RGPD2: variants seen among roughly 807,000 people sequenced by gnomAD.
RGPD2 encodes RANBP2-like and GRIP domain-containing protein 2.
In RGPD2, 2 loss-of-function variants were observed where a neutral mutation model predicts 36.0. The observed-to-expected ratio is 0.06, with a 90% CI of 0.02 to 0.17. RGPD2 has a LOEUF of 0.17. Among genes scored for constraint, RGPD2 ranks in the 10% least tolerant of loss-of-function variants. The pLI is 1.00. For missense variants in RGPD2, 40 were observed against 464.3 expected (o/e 0.09, Z 8.40); for synonymous variants, 19 against 163.8 (o/e 0.12, Z 6.75).
At chr2:87,897,548 A>G in the RGPD2 span, among the ~76,000 whole-genome samples, 1 of 151,878 alleles carries the variant, frequency 6.6e-6, no homozygotes, top group Non-Finnish European at 1.5e-5. Flanking sequence ...TTTCATGGTC[A>G]TTTGCTGCAC....
chr2:87,955,468 T>C, the RGPD2 span, among the ~76,000 whole-genome samples: 6 of 35,036 alleles, frequency 1.7e-4, no homozygotes, highest in African/African-American at 7.1e-4. Flanking sequence ...GAACTACACA[T>C]TCTTTTGTAC....
intron 1 of RGPD2, chr2:87,825,290 C>A: frequency 2.5e-6 from 1 of 394,406 alleles, no homozygotes; most frequent in East Asian, 3.6e-5. Context: ...ATACACAACA[C>A]TAAAGGGCGA....
chr2:87,839,780 G>A, the RGPD2 span, among the ~76,000 whole-genome samples: 13 of 152,018 alleles, frequency 8.6e-5, no homozygotes, highest in Middle Eastern at 0.01. Context: ...GAAGGTGGAG[G>A]GTATGAGGAG....
the RGPD2 span, among the ~76,000 whole-genome samples, chr2:87,986,430 G>A: frequency 1.3e-5 from 2 of 151,600 alleles, no homozygotes; most frequent in Admixed American, 6.6e-5. Flanking sequence ...ACTGTGCCCA[G>A]CCAAGGACAG....
intron 1 of RGPD2, chr2:87,825,023 A>G (rs1370089563): frequency 1.3e-5 from 5 of 393,242 alleles, no homozygotes; most frequent in Non-Finnish European, 2.2e-5. Flanking sequence ...TCAGCTAAAA[A>G]TATTAAATAC....
At chr2:87,870,635 C>G in the RGPD2 span, among the ~76,000 whole-genome samples, 1 of 151,484 alleles carries the variant, frequency 6.6e-6, no homozygotes, top group Admixed American at 6.6e-5. Flanking sequence ...ATAATCAAAC[C>G]TCTTCCTTCT....
the RGPD2 span, among the ~76,000 whole-genome samples, chr2:87,960,237 C>G: frequency 6.6e-6 from 1 of 150,474 alleles, no homozygotes; most frequent in Non-Finnish European, 1.5e-5. Context: ...GTCCATTTTT[C>G]TACAGATCTT....
At chr2:87,977,597 G>A in the RGPD2 span, among the ~76,000 whole-genome samples, 4 of 149,004 alleles carry the variant, frequency 2.7e-5, no homozygotes, top group African/African-American at 1.0e-4. Flanking sequence ...GAGGATGGCT[G>A]GAGCCCAGGA....
At chr2:87,842,669 C>G in the RGPD2 span, among the ~76,000 whole-genome samples, 4 of 150,936 alleles carry the variant, frequency 2.7e-5, no homozygotes, top group African/African-American at 7.3e-5. Context: ...CCATCCCCAT[C>G]AAGCTACCAA....
chr2:87,871,805 C>T, the RGPD2 span, among the ~76,000 whole-genome samples: 3,912 of 140,480 alleles, frequency 0.028, 1 homozygote, highest in Middle Eastern at 0.05. Context: ...GCGGAGGTTG[C>T]GGTGCGCCGA....
chr2:87,977,720 A>G, the RGPD2 span, among the ~76,000 whole-genome samples: 1 of 152,052 alleles, frequency 6.6e-6, no homozygotes, highest in Non-Finnish European at 1.5e-5. Context: ...AAACAGTAAT[A>G]TTTTAATTTG....
chr2:87,878,828 T>A, the RGPD2 span, among the ~76,000 whole-genome samples: 1 of 140,020 alleles, frequency 7.1e-6, no homozygotes, highest in Admixed American at 7.3e-5. Context: ...AGAGATATTA[T>A]ACAGTATTTG....
chr2:87,824,635 C>A (rs1005691408), intron 1 of RGPD2, among the ~76,000 whole-genome samples: 2 of 150,838 alleles, frequency 1.3e-5, no homozygotes, highest in African/African-American at 4.9e-5. Context: ...GTTGAAATCC[C>A]CAGGTTCTAA....
the RGPD2 span, among the ~76,000 whole-genome samples, chr2:87,843,595 C>T: frequency 8.8e-5 from 13 of 147,418 alleles, no homozygotes; most frequent in African/African-American, 3.0e-4. Flanking sequence ...GAAATAGGAA[C>T]ACTTTTACAC....
chr2:87,915,037 C>G, the RGPD2 span, among the ~76,000 whole-genome samples: 3 of 151,788 alleles, frequency 2.0e-5, no homozygotes, highest in Admixed American at 2.0e-4. Context: ...ATCCCAGGTA[C>G]TCAGGAGGCT....
the RGPD2 span, among the ~76,000 whole-genome samples, chr2:87,905,180 G>A: frequency 1.3e-5 from 2 of 152,228 alleles, no homozygotes; most frequent in South Asian, 2.1e-4. Context: ...ATATATCTGC[G>A]TGGAGGACAA....
chr2:87,876,179 G>GTTTT, the RGPD2 span, among the ~76,000 whole-genome samples: 9 of 132,326 alleles, frequency 6.8e-5, no homozygotes, highest in African/African-American at 2.7e-4. Context: ...GATTTGTGGG[G>GTTTT]TTTTTTTTTT....
At chr2:87,915,340 A>G in the RGPD2 span, among the ~76,000 whole-genome samples, 2 of 109,542 alleles carry the variant, frequency 1.8e-5, 1 homozygote, top group East Asian at 4.8e-4. Flanking sequence ...TTGTATATAT[A>G]ATGTATATTA....
chr2:87,905,660 C>A, the RGPD2 span, among the ~76,000 whole-genome samples: 11 of 150,718 alleles, frequency 7.3e-5, no homozygotes, highest in Non-Finnish European at 1.3e-4. Context: ...AAGTAACTCA[C>A]TTTTACAACA....
Sources: allele counts gnomAD v4.1 joint callset (sites outside exome capture counted in the v4.1 genomes callset), GRCh38; gene constraint gnomAD v4.1.1; transcripts MANE v1.5; gene names NCBI Gene and HGNC (gene_info 2026-07-23, HGNC 2026-07-21).